PTBP3: variants seen among roughly 807,000 people sequenced by gnomAD.
PTBP3 encodes the protein polypyrimidine tract binding protein 3, also known as polypyrimidine tract-binding protein 3.
Under a neutral mutation model 58.7 loss-of-function variants are expected in PTBP3, and 20 were observed. That is an observed-to-expected ratio of 0.34 (90% CI 0.24 to 0.50). The LOEUF is 0.50. Among genes scored for constraint, PTBP3 ranks in the 20% least tolerant of loss-of-function variants. The pLI is 0.98. For synonymous variants in PTBP3, 185 were observed against 219.8 expected, an observed-to-expected ratio of 0.84 and a Z score of 1.40; for missense variants, 509 against 637.2, an observed-to-expected ratio of 0.80 and a Z score of 2.17.
rs142315248 is a variant in PTBP3 at position 112,313,102 on chromosome 9, A to G, written c.-51-15186T>C. Among the ~76,000 whole-genome samples the G allele has an allele frequency of 3.2e-3, 480 of 152,318 alleles. 3 individuals carry two copies. The highest frequency in any genetic ancestry group is 5.5e-3 in the Non-Finnish European group (372 of 68,026). On this transcript the variant is annotated intron_variant, in intron 1 of 13. Transcript: ENST00000374257. Reference sequence around the variant, plus strand: ...ATATGTGGTATGTACACACTATGGTAAGCTATCAGATAAAGATAACATGAT... The same window carrying G: ...ATATGTGGTATGTACACACTATGGTGAGCTATCAGATAAAGATAACATGAT...
intron 7 of PTBP3, among the ~76,000 whole-genome samples, chr9:112,240,123 A>G (rs192255703): frequency 1.5e-3 from 226 of 152,272 alleles, no homozygotes; most frequent in Non-Finnish European, 2.5e-3. Context: ...GTCAAAAAGA[A>G]AAAAGATGGT....
At chr9:112,319,973 C>T (rs1477306266) in intron 1 of PTBP3, among the ~76,000 whole-genome samples, 2 of 152,196 alleles carry the variant, frequency 1.3e-5, no homozygotes, top group East Asian at 3.9e-4. Flanking sequence ...TCTAAGAAAG[C>T]TGAAATCATA....
intron 5 of PTBP3, among the ~76,000 whole-genome samples, chr9:112,260,823 C>T (rs560166288): frequency 6.6e-6 from 1 of 152,294 alleles, no homozygotes; most frequent in East Asian, 1.9e-4. Flanking sequence ...AACTGAAAGG[C>T]TGAGTGTCCT....
chr9:112,262,919 A>G (rs1314088744), intron 4 of PTBP3, among the ~76,000 whole-genome samples: 1 of 152,218 alleles, frequency 6.6e-6, no homozygotes, highest in African/African-American at 2.4e-5. Context: ...TGAAAGCAAC[A>G]TTAAAGACTA....
At chr9:112,344,782 T>TCTTATATGAAATTTATGA in the PTBP3 span, among the ~76,000 whole-genome samples, 1 of 152,188 alleles carries the variant, frequency 6.6e-6, no homozygotes, top group African/African-American at 2.4e-5. Context: ...GGTATAAGAT[T>TCTTATATGAAATTTATGA]AACATATGAA....
chr9:112,230,825 G>A (rs576606782), intron 10 of PTBP3, among the ~76,000 whole-genome samples: 2 of 152,276 alleles, frequency 1.3e-5, no homozygotes, highest in Non-Finnish European at 2.9e-5. Flanking sequence ...CTGTTCGAAA[G>A]TTTGGAGACT....
chr9:112,244,866 G>A (rs1835816896), intron 7 of PTBP3, among the ~76,000 whole-genome samples: 1 of 151,808 alleles, frequency 6.6e-6, no homozygotes, highest in South Asian at 2.1e-4. Flanking sequence ...ATCTTAAAAT[G>A]CTTAAGAAAT....
intron 2 of PTBP3, among the ~76,000 whole-genome samples, chr9:112,280,569 G>A (rs1481788365): frequency 2.6e-5 from 4 of 152,048 alleles, no homozygotes; most frequent in African/African-American, 4.8e-5. Flanking sequence ...TTCCCAGTTG[G>A]CTAACAATTT....
At chr9:112,284,341 T>C (rs924466986) in intron 2 of PTBP3, among the ~76,000 whole-genome samples, 1 of 152,190 alleles carries the variant, frequency 6.6e-6, no homozygotes, top group Admixed American at 6.5e-5. Flanking sequence ...AGCTCACTCT[T>C]TGCAAAAGCA....
rs150095051 is a variant in PTBP3, at chr9:112,283,944, G to T, written c.35-7931C>A. On this transcript the variant is annotated intron_variant, in intron 2 of 13. Transcript: ENST00000374257. The stretch of plus-strand genomic sequence containing the variant: ...CCTAAGCCTTGATAGCTTCCATGTG[G>T]TGTTGGGTCTGCAGGTGAGCAGAAG... Among the ~76,000 whole-genome samples the T allele has an allele frequency of 2.6e-3, 392 of 152,372 alleles. 1 individual carries two copies. The highest frequency in any genetic ancestry group is 8.9e-3 in the African/African-American group (370 of 41,594).
chr9:112,296,237 G>A (rs1485534899), intron 2 of PTBP3, among the ~76,000 whole-genome samples: 1 of 152,070 alleles, frequency 6.6e-6, no homozygotes, highest in Non-Finnish European at 1.5e-5. Flanking sequence ...TTAGTGTTAG[G>A]TGACAGAATC....
the PTBP3 span, among the ~76,000 whole-genome samples, chr9:112,366,755 A>AC: frequency 2.0e-5 from 3 of 152,300 alleles, no homozygotes; most frequent in East Asian, 5.8e-4. Flanking sequence ...TTAGTGGGGC[A>AC]CCACCTAGTG....
intron 2 of PTBP3, among the ~76,000 whole-genome samples, chr9:112,290,701 TATATATACAC>T (rs1438988366): frequency 3.1e-5 from 2 of 64,844 alleles, no homozygotes; most frequent in African/African-American, 2.0e-4. Context: ...TATATATATA[TATATATACAC>T]ACACACACAC....
intron 5 of PTBP3, among the ~76,000 whole-genome samples, chr9:112,253,059 T>C (rs1215114100): frequency 3.9e-5 from 6 of 152,146 alleles, no homozygotes; most frequent in Non-Finnish European, 7.4e-5. Context: ...CAATAATCAA[T>C]GGTATGAGAT....
At chr9:112,372,695 T>A in the PTBP3 span, among the ~76,000 whole-genome samples, 1 of 152,194 alleles carries the variant, frequency 6.6e-6, no homozygotes, top group Non-Finnish European at 1.5e-5. Flanking sequence ...TTCTTTCACT[T>A]AGCACAACGT....
chr9:112,312,504 A>ATTTT (rs1564455716), intron 1 of PTBP3, among the ~76,000 whole-genome samples: 15 of 139,788 alleles, frequency 1.1e-4, no homozygotes, highest in African/African-American at 4.1e-4. Context: ...TTTTTTTAAA[A>ATTTT]AAAAAAAAAA....
At chr9:112,343,645 G>A in the PTBP3 span, among the ~76,000 whole-genome samples, 1 of 151,870 alleles carries the variant, frequency 6.6e-6, no homozygotes, top group African/African-American at 2.4e-5. Context: ...CAAAAAATTA[G>A]CTGGGTGTGG....
intron 8 of PTBP3, among the ~76,000 whole-genome samples, chr9:112,233,114 C>G (rs891181691): frequency 5.3e-5 from 8 of 152,010 alleles, no homozygotes; most frequent in Admixed American, 6.6e-5. Context: ...TAAAACTGTG[C>G]AGACCACATT....
Position 112,219,114 on chromosome 9 carries a change from G to A in PTBP3, c.*4737C>T, listed in dbSNP as rs1834719890. 6.6e-6 allele frequency: 1 copy of A among 152,612 alleles called. No homozygotes were observed. The highest frequency in any genetic ancestry group is 1.5e-5 in the Non-Finnish European group (1 of 68,052). 9.5% of individuals were successfully genotyped at this position (152,612 alleles called of 1,614,324 possible). A position where few individuals can be genotyped will look rare whatever the true frequency, so the allele number is the denominator to read the frequency against. On this transcript the variant is annotated 3_prime_UTR_variant, in exon 14 of 14. Coordinates refer to ENST00000374257, the MANE Select transcript of PTBP3 (RefSeq NM_001163788.4). Reference sequence around the variant, plus strand: ...CTGCACTGGTTCTTCTTTCAGAAAGGAGCTTGGGGAAAATGCAAAATGCTT... The same window carrying A: ...CTGCACTGGTTCTTCTTTCAGAAAGAAGCTTGGGGAAAATGCAAAATGCTT...
Sources: gnomAD v4.1 joint callset for allele counts (sites outside exome capture counted in the v4.1 genomes callset) on GRCh38, gnomAD v4.1.1 for gene constraint, MANE v1.5 for transcripts, NCBI Gene and HGNC (gene_info 2026-07-23, HGNC 2026-07-21) for gene names.